Variants in PPM1E observed in about 807,000 individuals in gnomAD.
The protein encoded by PPM1E is protein phosphatase 1E.
Under a neutral mutation model 65.9 loss-of-function variants are expected in PPM1E, and 20 were observed. That is an observed-to-expected ratio of 0.30 (90% CI 0.21 to 0.44). The LOEUF (loss-of-function observed/expected upper bound fraction) is 0.44. PPM1E is among the 20% of genes least tolerant of loss of function. PPM1E has a pLI of 1.00. For missense variants in PPM1E, 713 were observed against 953.1 expected, an observed-to-expected ratio of 0.75 and a Z score of 3.32; for synonymous variants, 352 against 374.9, an observed-to-expected ratio of 0.94 and a Z score of 0.70.
At chr17:58,934,578 A>C (rs2051950859) in intron 1 of PPM1E, among the ~76,000 whole-genome samples, 1 of 152,196 alleles carries the variant, frequency 6.6e-6, no homozygotes. Flanking sequence ...TCAAAAAGAG[A>C]CAAAAGCATC....
intron 1 of PPM1E, among the ~76,000 whole-genome samples, chr17:58,816,209 A>T (rs897214336): frequency 1.3e-5 from 2 of 151,836 alleles, no homozygotes; most frequent in African/African-American, 4.8e-5. Flanking sequence ...TATTTTTAGT[A>T]GAGTTGGGGT....
intron 6 of PPM1E, among the ~76,000 whole-genome samples, chr17:58,978,001 C>T (rs889080332): frequency 6.6e-6 from 1 of 152,214 alleles, no homozygotes; most frequent in African/African-American, 2.4e-5. Flanking sequence ...CTTGGCCTCC[C>T]AAAGTGCTGG....
intron 1 of PPM1E, among the ~76,000 whole-genome samples, chr17:58,790,815 C>T (rs763977068): frequency 3.3e-5 from 5 of 152,114 alleles, no homozygotes; most frequent in Non-Finnish European, 5.9e-5. Context: ...CCCCTACTGT[C>T]TTACTGCATT....
chr17:58,809,401 T>A lies in PPM1E; in HGVS notation c.464+52940T>A, dbSNP rs568698050. 6.3e-3 allele frequency among the ~76,000 whole-genome samples: 955 copies of A among 150,690 alleles called. 4 individuals are homozygous for A. Among genetic ancestry groups the A allele is most frequent in the Non-Finnish European group, 9.1e-3 (617 of 67,486 alleles). ...ACTGTACCTGGCCAAATTAACAAAATTTTTTTTTTGAGATAGGGTCTTACT... is the reference window on the plus strand; with the variant it reads ...ACTGTACCTGGCCAAATTAACAAAAATTTTTTTTTGAGATAGGGTCTTACT... On this transcript the variant is annotated intron_variant, in intron 1 of 6. Coordinates refer to ENST00000308249, the MANE Select transcript of PPM1E (RefSeq NM_014906.5).
chr17:58,780,228 G>C, intron 1 of PPM1E, among the ~76,000 whole-genome samples: 1 of 152,132 alleles, frequency 6.6e-6, no homozygotes, highest in Non-Finnish European at 1.5e-5. Flanking sequence ...TAAGAAAAAG[G>C]CTGGATGCCA....
At chr17:58,800,146 A>G (rs1055964556) in intron 1 of PPM1E, among the ~76,000 whole-genome samples, 1 of 151,968 alleles carries the variant, frequency 6.6e-6, no homozygotes, top group Middle Eastern at 3.2e-3. Context: ...AACTTTGTCA[A>G]ATTTTTTTTT....
intron 1 of PPM1E, among the ~76,000 whole-genome samples, chr17:58,940,840 A>G (rs1409923085): frequency 6.6e-6 from 1 of 152,122 alleles, no homozygotes; most frequent in African/African-American, 2.4e-5. Context: ...CCTCCCACGT[A>G]GCTGGGGTTA....
At chr17:58,904,824 A>G (rs1367152002) in intron 1 of PPM1E, among the ~76,000 whole-genome samples, 2 of 151,420 alleles carry the variant, frequency 1.3e-5, no homozygotes, top group Admixed American at 1.3e-4. Flanking sequence ...GCTGGTGACC[A>G]ACATGGAGAA....
chr17:58,770,121 C>T (rs190929626), intron 1 of PPM1E, among the ~76,000 whole-genome samples: 1 of 152,274 alleles, frequency 6.6e-6, no homozygotes, highest in Non-Finnish European at 1.5e-5. Context: ...TTATAACCCT[C>T]ACCATTGTAT....
At chr17:58,788,867 TAAA>T (rs1471987764) in intron 1 of PPM1E, among the ~76,000 whole-genome samples, 2 of 152,182 alleles carry the variant, frequency 1.3e-5, no homozygotes, top group African/African-American at 4.8e-5. Flanking sequence ...ACTAAAGAGT[TAAA>T]GAAGTGAATT....
intron 1 of PPM1E, among the ~76,000 whole-genome samples, chr17:58,892,569 C>T (rs1457617410): frequency 6.6e-6 from 1 of 151,768 alleles, no homozygotes; most frequent in East Asian, 1.9e-4. Context: ...CAAGAGAAAC[C>T]CTGTCTCAAA....
intron 1 of PPM1E, among the ~76,000 whole-genome samples, chr17:58,794,733 G>T (rs2050189568): frequency 6.6e-6 from 1 of 152,094 alleles, no homozygotes; most frequent in Non-Finnish European, 1.5e-5. Flanking sequence ...TTGCTGCAAA[G>T]GACATGATCT....
intron 3 of PPM1E, among the ~76,000 whole-genome samples, chr17:58,968,335 T>C (rs2030387868): frequency 6.6e-6 from 1 of 152,166 alleles, no homozygotes. Context: ...TGAGGCGGGA[T>C]GATCCTTTGA....
At chr17:58,876,254 GATTA>G (rs1204579776) in intron 1 of PPM1E, among the ~76,000 whole-genome samples, 1 of 152,054 alleles carries the variant, frequency 6.6e-6, no homozygotes, top group Non-Finnish European at 1.5e-5. Flanking sequence ...TTGTGAGCTT[GATTA>G]ATTTTTAAAG....
At chr17:58,834,013 C>T (rs999351531) in intron 1 of PPM1E, among the ~76,000 whole-genome samples, 2 of 152,024 alleles carry the variant, frequency 1.3e-5, no homozygotes, top group African/African-American at 4.8e-5. Flanking sequence ...AGCATTTTTT[C>T]GTGTTCATTG....
At chr17:58,830,542 G>T (rs1226133242) in intron 1 of PPM1E, among the ~76,000 whole-genome samples, 1 of 151,920 alleles carries the variant, frequency 6.6e-6, no homozygotes, top group Non-Finnish European at 1.5e-5. Context: ...TCGTGACCTT[G>T]TGATCCGCCC....
chr17:58,843,104 C>T (rs953721142), intron 1 of PPM1E, among the ~76,000 whole-genome samples: 8 of 151,234 alleles, frequency 5.3e-5, no homozygotes, highest in Non-Finnish European at 1.0e-4. Context: ...GGCTACATGG[C>T]GAAACCTTGT....
intron 1 of PPM1E, among the ~76,000 whole-genome samples, chr17:58,923,693 G>A (rs1182491822): frequency 6.7e-6 from 1 of 149,842 alleles, no homozygotes; most frequent in African/African-American, 2.5e-5. Flanking sequence ...GTTGCAGTGA[G>A]CTGAGATCGC....
chr17:58,935,764 ATGGT>A (rs1044726463), intron 1 of PPM1E, among the ~76,000 whole-genome samples: 9 of 152,226 alleles, frequency 5.9e-5, no homozygotes, highest in African/African-American at 1.9e-4. Flanking sequence ...GTGTGAGCAA[ATGGT>A]TGGTAAGATT....
Sources: allele counts gnomAD v4.1 joint callset (sites outside exome capture counted in the v4.1 genomes callset), GRCh38; gene constraint gnomAD v4.1.1; transcripts MANE v1.5; gene names NCBI Gene and HGNC (gene_info 2026-07-23, HGNC 2026-07-21).